The following HS3ST4 variants were observed in gnomAD, a reference collection of about 807,000 sequenced individuals.
The protein encoded by HS3ST4 is heparan sulfate glucosamine 3-O-sulfotransferase 4.
HS3ST4 carries 17 observed loss-of-function variants against 29.2 expected under a neutral mutation model. The observed-to-expected ratio is 0.58, with a 90% CI of 0.40 to 0.87. The LOEUF (loss-of-function observed/expected upper bound fraction) is 0.87. Ranked by LOEUF, HS3ST4 falls within the 40% of genes least tolerant of loss-of-function variation. HS3ST4 has a pLI of 0.00. For missense variants in HS3ST4, 627 were observed against 634.5 expected (o/e 0.99, Z 0.13); for synonymous variants, 314 against 285.7 (o/e 1.10, Z -1.00).
chr16:26,054,312 A>G (rs113420542), intron 1 of HS3ST4, among the ~76,000 whole-genome samples: 17,956 of 143,410 alleles, frequency 0.13, 2,914 homozygotes, highest in African/African-American at 0.4. Context: ...GAGGAGGAGG[A>G]AGAAGAAGAA....
chr16:25,886,036 T>G (rs1043789869), intron 1 of HS3ST4, among the ~76,000 whole-genome samples: 1 of 139,978 alleles, frequency 7.1e-6, no homozygotes, highest in Non-Finnish European at 1.5e-5. Context: ...GGTTTTTTTT[T>G]TTTTTTTTTT....
chr16:26,075,018 C>T (rs573085325), intron 1 of HS3ST4, among the ~76,000 whole-genome samples: 37 of 152,260 alleles, frequency 2.4e-4, no homozygotes, highest in African/African-American at 8.4e-4. Flanking sequence ...CATGGTGAAA[C>T]CCTGTCTCTA....
rs145880526 is a variant in HS3ST4 at position 25,980,304 on chromosome 16, C to T, written c.735-155308C>T. Among the ~76,000 whole-genome samples the T allele has an allele frequency of 1.2e-4, 19 of 152,284 alleles. No homozygotes were observed. In the East Asian group the frequency reaches 3.7e-3, roughly 29 times the overall value. ...CCCTCTTCCTGGGACACACCTGTTC[C>T]CTATCATTCCCTGCTTCTCCTGGAT... On this transcript the variant is annotated intron_variant, in intron 1 of 1. Coordinates refer to ENST00000331351, the MANE Select transcript of HS3ST4 (RefSeq NM_006040.3).
At chr16:25,913,381 T>C (rs1395187078) in intron 1 of HS3ST4, among the ~76,000 whole-genome samples, 1 of 152,216 alleles carries the variant, frequency 6.6e-6, no homozygotes, top group African/African-American at 2.4e-5. Context: ...GTGCACCCCT[T>C]CCACCACCTG....
At chr16:25,838,548 G>C (rs1967383626) in intron 1 of HS3ST4, among the ~76,000 whole-genome samples, 1 of 152,182 alleles carries the variant, frequency 6.6e-6, no homozygotes, top group African/African-American at 2.4e-5. Context: ...TCCTCAGCAT[G>C]CTATTTACCC....
At chr16:25,965,403 A>C (rs1462381981) in intron 1 of HS3ST4, among the ~76,000 whole-genome samples, 1 of 151,760 alleles carries the variant, frequency 6.6e-6, no homozygotes, top group African/African-American at 2.4e-5. Context: ...TCTTGTCAAA[A>C]AAAAAAAAAA....
chr16:25,828,240 T>TTTTC (rs1238043007), intron 1 of HS3ST4, among the ~76,000 whole-genome samples: 1 of 59,708 alleles, frequency 1.7e-5, no homozygotes, highest in Non-Finnish European at 3.3e-5. Context: ...CTTTCTTTCT[T>TTTTC]TCTCTTTCTT....
chr16:25,976,763 A>T (rs948050892), intron 1 of HS3ST4, among the ~76,000 whole-genome samples: 1 of 152,128 alleles, frequency 6.6e-6, no homozygotes, highest in African/African-American at 2.4e-5. Context: ...TTTGTAAATG[A>T]CCAGAGATAA....
intron 1 of HS3ST4, among the ~76,000 whole-genome samples, chr16:25,774,693 G>A (rs555316874): frequency 1.5e-4 from 23 of 152,360 alleles, no homozygotes; most frequent in Admixed American, 7.8e-4. Flanking sequence ...TGCCAAGTGT[G>A]CGTGGCATAC....
In HS3ST4 at chr16:26,137,385, G is replaced by A. The variant is rs1898298592; in HGVS notation, c.*1137G>A. ...AGAGATGGCAGAGAGTGAGGTAGTG[G>A]CGAGAAAGCTGACTCCATTCATCAG... On this transcript the variant is annotated 3_prime_UTR_variant, in exon 2 of 2. Coordinates refer to ENST00000331351, the MANE Select transcript of HS3ST4 (RefSeq NM_006040.3). The A allele has an allele frequency of 1.3e-5, 2 of 152,146 alleles. No individual in the cohort carries two copies. Among genetic ancestry groups the A allele is most frequent in the South Asian group, 4.2e-4 (2 of 4,814 alleles). The allele number at this position is 152,146 out of a possible 1,614,324, so 9.4% of individuals were successfully genotyped here.
chr16:25,857,915 CCTTCCTTT>C (rs1431519912), intron 1 of HS3ST4, among the ~76,000 whole-genome samples: 91 of 55,320 alleles, frequency 1.6e-3, no homozygotes, highest in Middle Eastern at 7.4e-3. Flanking sequence ...TTCCTTCCTT[CCTTCCTTT>C]CTTTCTTTCT....
At chr16:25,762,418 G>T (rs910146089) in intron 1 of HS3ST4, among the ~76,000 whole-genome samples, 7 of 152,170 alleles carry the variant, frequency 4.6e-5, no homozygotes, top group African/African-American at 1.7e-4. Flanking sequence ...GAAGAGCAAA[G>T]AACCAGAACA....
chr16:25,962,392 C>A (rs1462727262), intron 1 of HS3ST4, among the ~76,000 whole-genome samples: 1 of 152,190 alleles, frequency 6.6e-6, no homozygotes, highest in African/African-American at 2.4e-5. Context: ...CTATGCCATT[C>A]ACTGGTATGA....
At chr16:25,888,144 G>A (rs190736483) in intron 1 of HS3ST4, among the ~76,000 whole-genome samples, 3 of 152,226 alleles carry the variant, frequency 2.0e-5, no homozygotes, top group Non-Finnish European at 4.4e-5. Context: ...GTTGGCCTCC[G>A]CAGAGCAAGC....
chr16:25,708,750 A>G (rs566808699), intron 1 of HS3ST4, among the ~76,000 whole-genome samples: 14 of 152,264 alleles, frequency 9.2e-5, no homozygotes, highest in African/African-American at 2.2e-4. Context: ...GGTTCTCACT[A>G]GCCTGTGTAT....
intron 1 of HS3ST4, among the ~76,000 whole-genome samples, chr16:25,873,343 CATCT>C (rs1167886198): frequency 9.0e-5 from 13 of 143,942 alleles, no homozygotes; most frequent in African/African-American, 2.8e-4. Context: ...TCCTTTCATC[CATCT>C]ATCCATCCAT....
chr16:25,745,005 G>A (rs2141599232), intron 1 of HS3ST4, among the ~76,000 whole-genome samples: 1 of 149,272 alleles, frequency 6.7e-6, no homozygotes, highest in South Asian at 2.2e-4. Flanking sequence ...CTAAATGGGA[G>A]GAATAGAGAA....
At position 26,050,087 on chromosome 16, in the gene HS3ST4, C is replaced by T. The variant is rs115890088; in HGVS notation, c.735-85525C>T. On this transcript the variant is annotated intron_variant, in intron 1 of 1. Transcript: ENST00000331351. The stretch of plus-strand genomic sequence containing the variant: ...CATTGGTGATCAACTTAATCTTCTG[C>T]CCTCTCCCCCCTGGAGACTGGGAAG... Among the ~76,000 whole-genome samples the T allele has an allele frequency of 9.5e-3, 1,446 of 152,222 alleles. 24 individuals carry two copies. The highest frequency in any genetic ancestry group is 0.033 in the African/African-American group (1,363 of 41,524).
At position 26,093,957 on chromosome 16, in the gene HS3ST4, C is replaced by T. The variant is rs537579917; in HGVS notation, c.735-41655C>T. Among the ~76,000 whole-genome samples, 33 of 152,212 alleles carry T rather than the reference C, an allele frequency of 2.2e-4. No individual in the cohort carries two copies. In the East Asian group the frequency reaches 5.8e-3, roughly 27 times the overall value. Reference sequence around the variant, plus strand: ...GCTGAAAACCATGGCGCAAGAACTTCGTGATGCATGCACAAGCTTCAATAG... The same window carrying T: ...GCTGAAAACCATGGCGCAAGAACTTTGTGATGCATGCACAAGCTTCAATAG... On this transcript the variant is annotated intron_variant, in intron 1 of 1. Coordinates refer to ENST00000331351, the MANE Select transcript of HS3ST4 (RefSeq NM_006040.3).
Sources: gnomAD v4.1 joint callset for allele counts (sites outside exome capture counted in the v4.1 genomes callset) on GRCh38, gnomAD v4.1.1 for gene constraint, MANE v1.5 for transcripts, NCBI Gene and HGNC (gene_info 2026-07-23, HGNC 2026-07-21) for gene names.